Variants in EBF1 observed in about 807,000 individuals in gnomAD.
EBF1 encodes the protein transcription factor COE1.
EBF1 carries 10 observed loss-of-function variants against 68.4 expected under a neutral mutation model. The ratio of observed to expected loss-of-function variants is 0.15; its 90% CI spans 0.09 to 0.25. EBF1 has a LOEUF of 0.25. EBF1 is among the 10% of genes least tolerant of loss of function. The probability of loss-of-function intolerance (pLI) is 1.00; values close to 1 mark genes in which losing one functional copy is unlikely to be tolerated. For synonymous variants in EBF1, 298 were observed against 299.8 expected (o/e 0.99, Z 0.06); for missense variants, 509 against 794.4 (o/e 0.64, Z 4.32).
chr5:158,843,621 C>T lies in EBF1; in HGVS notation c.555-3511G>A, dbSNP rs1790784192. Among the ~76,000 whole-genome samples the T allele has an allele frequency of 2.0e-5, 3 of 152,172 alleles. No homozygotes were observed. The South Asian group carries it at 6.2e-4, about 32-fold the overall frequency. On this transcript the variant is annotated intron_variant, in intron 6 of 15. Coordinates refer to ENST00000313708, the MANE Select transcript of EBF1 (RefSeq NM_024007.5). ...ACGGCCATCAACTGGTGCCTGAGGC[C>T]TCACACAAGCCCTTATGTGGAAAAG...
intron 6 of EBF1, among the ~76,000 whole-genome samples, chr5:158,957,810 A>G (rs1817441130): frequency 6.6e-6 from 1 of 152,228 alleles, no homozygotes; most frequent in African/African-American, 2.4e-5. Flanking sequence ...CAAACAGCCA[A>G]TACCCCTAAT....
intron 8 of EBF1, among the ~76,000 whole-genome samples, chr5:158,811,851 A>C (rs1158841755): frequency 6.6e-6 from 1 of 152,080 alleles, no homozygotes; most frequent in Non-Finnish European, 1.5e-5. Flanking sequence ...TGCCCTCCCT[A>C]CAGCTTCTAA....
In EBF1 at chr5:158,971,324, G is replaced by A. The variant is rs150354734; in HGVS notation, c.554+102072C>T. ...CTGTCCAGGGAGGCCCATGAATTCC[G>A]GCACTGTGTGGCCAGCCCAGTGAGT... On this transcript the variant is annotated intron_variant, in intron 6 of 15. Transcript: ENST00000313708. Among the ~76,000 whole-genome samples the A allele has an allele frequency of 3.4e-3, 523 of 152,314 alleles. 1 individual carries two copies. The highest frequency in any genetic ancestry group is 6.8e-3 in the Middle Eastern group (2 of 294).
chr5:158,852,436 G>C (rs1425127929), intron 6 of EBF1, among the ~76,000 whole-genome samples: 2 of 151,868 alleles, frequency 1.3e-5, no homozygotes, highest in Non-Finnish European at 2.9e-5. Context: ...TTTGAGCAAT[G>C]GATTTCATTG....
At chr5:158,854,842 T>C (rs935841010) in intron 6 of EBF1, among the ~76,000 whole-genome samples, 16 of 152,182 alleles carry the variant, frequency 1.1e-4, no homozygotes, top group African/African-American at 3.9e-4. Flanking sequence ...ATCACTCCCA[T>C]TTTCACATAA....
At chr5:159,026,236 C>T (rs1378942755) in intron 6 of EBF1, among the ~76,000 whole-genome samples, 1 of 151,906 alleles carries the variant, frequency 6.6e-6, no homozygotes, top group Non-Finnish European at 1.5e-5. Flanking sequence ...TACAGCCAGA[C>T]TTAGTCAGTA....
At chr5:159,003,874 T>C (rs1763045972) in intron 6 of EBF1, among the ~76,000 whole-genome samples, 2 of 152,170 alleles carry the variant, frequency 1.3e-5, no homozygotes, top group Non-Finnish European at 2.9e-5. Context: ...AGTGGTGTAG[T>C]CAGGGTTCTC....
intron 6 of EBF1, among the ~76,000 whole-genome samples, chr5:158,969,796 AAG>A (rs1234772688): frequency 1.3e-5 from 2 of 148,954 alleles, no homozygotes; most frequent in Admixed American, 6.7e-5. Context: ...AAAAAGAAGA[AAG>A]AGAGAGAGAG....
chr5:158,704,522 G>A (rs1349735254), intron 15 of EBF1, among the ~76,000 whole-genome samples: 3 of 152,116 alleles, frequency 2.0e-5, no homozygotes, highest in Non-Finnish European at 4.4e-5. Context: ...GAACTAGGTG[G>A]GTCCCAATGA....
intron 10 of EBF1, among the ~76,000 whole-genome samples, chr5:158,769,218 T>C (rs1004135622): frequency 6.6e-6 from 1 of 152,190 alleles, no homozygotes; most frequent in African/African-American, 2.4e-5. Flanking sequence ...GAATGATGAA[T>C]GGGACCGTTG....
At chr5:158,871,815 G>A (rs960934685) in intron 6 of EBF1, among the ~76,000 whole-genome samples, 10 of 152,112 alleles carry the variant, frequency 6.6e-5, no homozygotes, top group Non-Finnish European at 1.2e-4. Flanking sequence ...CTAGCCTTAC[G>A]ATCCAGGATC....
At chr5:158,908,115 C>T (rs1805061852) in intron 6 of EBF1, among the ~76,000 whole-genome samples, 1 of 152,180 alleles carries the variant, frequency 6.6e-6, no homozygotes, top group African/African-American at 2.4e-5. Context: ...CCTGAAAAGA[C>T]TTGTCAGTCG....
rs180775073 is a variant in EBF1, at chr5:158,944,104, G to A, written c.555-103994C>T. ...TTTATTATTATACTTTAAGTTCTGG[G>A]ATACATGTGCAGAACATGCAGGTTT... On this transcript the variant is annotated intron_variant, in intron 6 of 15. Transcript: ENST00000313708. Among the ~76,000 whole-genome samples, 3 of 152,178 alleles carry A rather than the reference G, an allele frequency of 2.0e-5. No individual in the cohort carries two copies. The East Asian group carries it at 5.8e-4, about 29-fold the overall frequency.
At chr5:159,035,614 C>T (rs1017318218) in intron 6 of EBF1, among the ~76,000 whole-genome samples, 10 of 152,190 alleles carry the variant, frequency 6.6e-5, no homozygotes, top group Admixed American at 3.9e-4. Flanking sequence ...CATCCAACCT[C>T]GCTAAGCTTC....
Position 159,099,423 on chromosome 5 carries a change from G to T in EBF1, c.56C>A (p.Pro19Gln). 1 of 1,600,924 alleles carries T rather than the reference G, an allele frequency of 6.2e-7. No individual in the cohort carries two copies. Among genetic ancestry groups the T allele is most frequent in the Non-Finnish European group, 8.5e-7 (1 of 1,173,854 alleles). Residue 19 changes from proline to glutamine, a missense_variant, in exon 1 of 16, where the codon CCG (proline) becomes CAG (glutamine). Coordinates refer to ENST00000313708, the MANE Select transcript of EBF1 (RefSeq NM_024007.5). ...CACCGCGTTCATGCCGCTGCCCAGC[G>T]GCTCTTCCTTCATGCTGCTTCCACT... Reference protein sequence around the residue: ...QRSGSSMKEEPLGSGMNAVRT... With the variant: ...QRSGSSMKEEQLGSGMNAVRT...
intron 6 of EBF1, among the ~76,000 whole-genome samples, chr5:158,898,947 C>T (rs138418835): frequency 6.6e-6 from 1 of 152,248 alleles, no homozygotes; most frequent in East Asian, 1.9e-4. Context: ...CAAAGAGCAG[C>T]GATAACAAGG....
chr5:158,791,699 G>T (rs955676009), intron 9 of EBF1, among the ~76,000 whole-genome samples: 1 of 151,348 alleles, frequency 6.6e-6, no homozygotes, highest in Non-Finnish European at 1.5e-5. Context: ...AGAGGAACTT[G>T]ATTGGTCATT....
chr5:159,033,367 G>GT (rs1221036925), intron 6 of EBF1, among the ~76,000 whole-genome samples: 4 of 152,116 alleles, frequency 2.6e-5, no homozygotes, highest in Non-Finnish European at 4.4e-5. Context: ...TCAAATGAAT[G>GT]TTTTTTTCCT....
At chr5:158,873,848 C>T (rs1797316046) in intron 6 of EBF1, among the ~76,000 whole-genome samples, 1 of 152,108 alleles carries the variant, frequency 6.6e-6, no homozygotes, top group African/African-American at 2.4e-5. Context: ...TAAAAGCATC[C>T]AGCAGTATGT....
Sources: gnomAD v4.1 joint callset for allele counts (sites outside exome capture counted in the v4.1 genomes callset) on GRCh38, gnomAD v4.1.1 for gene constraint, MANE v1.5 for transcripts, NCBI Gene and HGNC (gene_info 2026-07-23, HGNC 2026-07-21) for gene names.